The following MAP4 variants were observed in gnomAD, a reference collection of about 807,000 sequenced individuals.
The protein encoded by MAP4 is microtubule associated protein 4.
MAP4 carries 76 observed loss-of-function variants against 170.2 expected under a neutral mutation model. The ratio of observed to expected loss-of-function variants is 0.45; its 90% CI spans 0.37 to 0.54. The LOEUF is 0.54. MAP4 is among the 20% of genes least tolerant of loss of function. The probability of loss-of-function intolerance (pLI) is 0.00; values close to 1 mark genes in which losing one functional copy is unlikely to be tolerated. For missense variants in MAP4, 2,506 were observed against 2,748.0 expected, an observed-to-expected ratio of 0.91 and a Z score of 1.97; for synonymous variants, 909 against 994.5, an observed-to-expected ratio of 0.91 and a Z score of 1.62.
Position 47,857,518 on chromosome 3 carries a change from G to A in MAP4, c.6502-6C>T. ...TTCTTGTTCTGAATCTGAACCTGAA[G>A]AGAAGGACACAAAAGACTCATTCAG... On this transcript the variant is annotated splice_polypyrimidine_tract_variant and splice_region_variant and intron_variant, in intron 17 of 20. Coordinates refer to ENST00000683076, the MANE Select transcript of MAP4 (RefSeq NM_001385682.1). 2 of 1,600,770 alleles carry A rather than the reference G, an allele frequency of 1.2e-6. No homozygotes were observed. The highest frequency in any genetic ancestry group is 1.7e-6 in the Non-Finnish European group (2 of 1,168,626).
Position 47,916,017 on chromosome 3 carries a change from C to T in MAP4, c.1810G>A (p.Asp604Asn). ...IAQTQKGISE[D>N]SHLESLQDVG... ...TCCTGCAGAGATTCTAAATGGGAAT[C>T]CTCACTTATTCCTTTTTGTGTTTGT... The change falls in exon 7 of 21, where the codon GAT becomes AAT. Residue 604 changes from aspartate to asparagine, a missense_variant. Asp to Asn is a conservative substitution (Grantham distance 23). This residue lies in a region of MAP4 where 2,008 missense variants were observed against 2,206.0 expected (regional missense o/e 0.91). Transcript: ENST00000683076. The T allele has an allele frequency of 6.2e-7, 1 of 1,614,166 alleles. No individual in the cohort carries two copies. Among genetic ancestry groups the T allele is most frequent in the Middle Eastern group, 1.6e-4 (1 of 6,062 alleles).
intron 4 of MAP4, among the ~76,000 whole-genome samples, chr3:47,926,723 A>G (rs1200241481): frequency 6.6e-6 from 1 of 152,072 alleles, no homozygotes; most frequent in Non-Finnish European, 1.5e-5. Context: ...TTTTGTAGAG[A>G]CAGAATCCCA....
intron 17 of MAP4, among the ~76,000 whole-genome samples, chr3:47,860,286 T>G (rs976039041): frequency 2.0e-5 from 3 of 152,256 alleles, no homozygotes; most frequent in Admixed American, 1.3e-4. Context: ...CTTAGCTCAC[T>G]GTAGCCTCAA....
chr3:48,087,743 G>GCGCA (rs774808351), intron 1 of MAP4, among the ~76,000 whole-genome samples: 1 of 67,948 alleles, frequency 1.5e-5, no homozygotes, highest in African/African-American at 6.0e-5. Flanking sequence ...ACACACGCAC[G>GCGCA]CGCACACACA....
chr3:48,067,962 C>T (rs2154562890), intron 1 of MAP4, among the ~76,000 whole-genome samples: 1 of 150,990 alleles, frequency 6.6e-6, no homozygotes, highest in East Asian at 2.0e-4. Context: ...TTTTTAAAAA[C>T]TATTTTAAAT....
At chr3:48,045,973 T>A (rs570196483) in intron 1 of MAP4, among the ~76,000 whole-genome samples, 1 of 151,412 alleles carries the variant, frequency 6.6e-6, no homozygotes, top group East Asian at 1.9e-4. Context: ...ACAAAATTTC[T>A]TGCATCACTT....
At chr3:47,892,439 A>G in intron 10 of MAP4, 3 of 1,536,052 alleles carry the variant, frequency 2.0e-6, no homozygotes, top group Non-Finnish European at 2.6e-6. Flanking sequence ...GCCCTTACTG[A>G]GCTGACCGTA....
At chr3:48,017,137 G>GA (rs201585320), upstream of MAP4, among the ~76,000 whole-genome samples, 89 of 149,180 alleles carry the variant, frequency 6.0e-4, no homozygotes, top group African/African-American at 1.8e-3. Flanking sequence ...TTAATAGATG[G>GA]AAAAAAAAAT....
At position 47,998,739 on chromosome 3, in the gene MAP4, G is replaced by A. The variant is rs773620258; in HGVS notation, c.122C>T (p.Thr41Ile). The A allele has an allele frequency of 1.5e-5, 24 of 1,613,886 alleles. No individual in the cohort carries two copies. Among genetic ancestry groups the A allele is most frequent in the Non-Finnish European group, 1.9e-5 (23 of 1,179,924 alleles). The change falls in exon 2 of 21, where the codon ACT becomes ATT. Residue 41 changes from threonine to isoleucine, a missense_variant. By Grantham distance (89) the Thr-to-Ile change is moderately conservative. Transcript: ENST00000683076. ...AEAFDDVVGE[T>I]VGKTDYIPLL... Reference sequence around the variant, plus strand: ...AGGAATATAGTCTGTTTTTCCAACAGTTTCTCCCACAACATCATCAAAGGC... The same window carrying A: ...AGGAATATAGTCTGTTTTTCCAACAATTTCTCCCACAACATCATCAAAGGC...
chr3:47,877,271 G>T, intron 11 of MAP4, 146 bp downstream of exon 11: 1 of 637,368 alleles, frequency 1.6e-6, no homozygotes, highest in Non-Finnish European at 2.8e-6. Context: ...GAGAATACAA[G>T]ATATTTTCTA....
intron 11 of MAP4, 138 bp from the exon 12 acceptor site, chr3:47,876,038 C>A: frequency 1.7e-6 from 1 of 604,666 alleles, no homozygotes. Flanking sequence ...ATAGATGCAA[C>A]TTAAAATTAG....
intron 3 of MAP4, among the ~76,000 whole-genome samples, chr3:47,976,705 T>C (rs1049849517): frequency 6.6e-6 from 1 of 152,208 alleles, no homozygotes; most frequent in Non-Finnish European, 1.5e-5. Context: ...AACTGGAAGA[T>C]AAAGTGGCAT....
chr3:47,903,869 ACT>A (rs2100031475), intron 9 of MAP4, among the ~76,000 whole-genome samples: 4 of 152,282 alleles, frequency 2.6e-5, no homozygotes, highest in South Asian at 2.1e-4. Flanking sequence ...TCAAACACAG[ACT>A]CTCTGGACAA....
chr3:47,951,956 C>T (rs1032623850), intron 3 of MAP4, among the ~76,000 whole-genome samples: 3 of 151,918 alleles, frequency 2.0e-5, no homozygotes, highest in African/African-American at 7.3e-5. Flanking sequence ...AGCGTCTCTG[C>T]CCGGCCGCCC....
At chr3:48,024,220 G>T (rs1011495602) in intron 1 of MAP4, among the ~76,000 whole-genome samples, 4 of 152,116 alleles carry the variant, frequency 2.6e-5, no homozygotes, top group Non-Finnish European at 4.4e-5. Flanking sequence ...TGAGGCAGGA[G>T]AATCGCTTGA....
intron 7 of MAP4, 41 bp downstream of exon 7, chr3:47,915,910 C>G: frequency 6.4e-7 from 1 of 1,567,648 alleles, no homozygotes; most frequent in Admixed American, 1.8e-5. Context: ...GAGACTACAA[C>G]CTGGTAGAGA....
At chr3:47,956,442 TGAAGAAAAATCTTTCCTTCA>T (rs1234489454) in intron 3 of MAP4, among the ~76,000 whole-genome samples, 2 of 152,236 alleles carry the variant, frequency 1.3e-5, no homozygotes, top group African/African-American at 4.8e-5. Flanking sequence ...AGGGCAGTGA[TGAAGAAAAATCTTTCCTTCA>T]GAGGGCAGAA....
At position 47,909,061 on chromosome 3, in the gene MAP4, C is replaced by A; in HGVS notation, c.5360G>T (p.Arg1787Ile). 6.2e-7 allele frequency: 1 copy of A among 1,613,504 alleles called. No homozygotes were observed. The highest frequency in any genetic ancestry group is 1.1e-5 in the South Asian group (1 of 90,932). ...LPKSTIQEQE[R>I]HKQLKSAVCL... Reference sequence around the variant, plus strand: ...ACCAGCGGACTTCAGTTGCTTATGTCTCTCTTGTTCCTGGATTGTAGACTT... The same window carrying A: ...ACCAGCGGACTTCAGTTGCTTATGTATCTCTTGTTCCTGGATTGTAGACTT... Residue 1787 changes from arginine (R) to isoleucine (I), a missense_variant, in exon 9 of 21, where the codon AGA becomes ATA. This residue lies in a region of MAP4 where 2,008 missense variants were observed against 2,206.0 expected (regional missense o/e 0.91). Transcript: ENST00000683076.
Position 47,852,640 on chromosome 3 carries a change from C to T in MAP4, c.*294G>A. 9.3e-7 allele frequency: 1 copy of T among 1,080,882 alleles called. No homozygotes were observed. Among genetic ancestry groups the T allele is most frequent in the Non-Finnish European group, 1.3e-6 (1 of 775,282 alleles). 67.0% of individuals were successfully genotyped at this position (1,080,882 alleles called of 1,614,324 possible). A position where few individuals can be genotyped will look rare whatever the true frequency, so the allele number is the denominator to read the frequency against. On this transcript the variant is annotated 3_prime_UTR_variant, in exon 21 of 21. Coordinates refer to ENST00000683076, the MANE Select transcript of MAP4 (RefSeq NM_001385682.1). ...CAACCTCCTCCACGGAGCAGTGGCG[C>T]AGTGATGGGGCAAGACCAAAGCAGG...
Sources: allele counts gnomAD v4.1 joint callset (sites outside exome capture counted in the v4.1 genomes callset), GRCh38; gene constraint gnomAD v4.1.1; regional missense constraint gnomAD v4.1.1; transcripts MANE v1.5; gene names NCBI Gene and HGNC (gene_info 2026-07-23, HGNC 2026-07-21).